KIF9: variants seen among roughly 807,000 people sequenced by gnomAD.
KIF9 encodes kinesin-like protein KIF9.
Under a neutral mutation model 94.8 loss-of-function variants are expected in KIF9, and 68 were observed. That is an observed-to-expected ratio of 0.72 (90% CI 0.59 to 0.88). KIF9 has a LOEUF of 0.88. Ranked by LOEUF, KIF9 falls within the 40% of genes least tolerant of loss-of-function variation. KIF9 has a pLI of 0.00. For missense variants in KIF9, 882 were observed against 982.5 expected (o/e 0.90, Z 1.37); for synonymous variants, 343 against 362.1 (o/e 0.95, Z 0.60).
intron 9 of KIF9, among the ~76,000 whole-genome samples, chr3:47,262,827 A>C (rs986977104): frequency 2.0e-5 from 3 of 152,204 alleles, no homozygotes; most frequent in Non-Finnish European, 4.4e-5. Context: ...AGGTGACTGA[A>C]GCTTGCCTTA....
intron 20 of KIF9, among the ~76,000 whole-genome samples, chr3:47,232,124 G>T (rs976453782): frequency 6.6e-6 from 1 of 152,134 alleles, no homozygotes; most frequent in African/African-American, 2.4e-5. Flanking sequence ...GGGGCCTGAG[G>T]GAGCTCGTTA....
chr3:47,256,623 C>T (rs958853416), intron 10 of KIF9, among the ~76,000 whole-genome samples: 2 of 152,186 alleles, frequency 1.3e-5, no homozygotes, highest in African/African-American at 4.8e-5. Flanking sequence ...TGCCCGGCCA[C>T]CACCCCGTCT....
intron 16 of KIF9, among the ~76,000 whole-genome samples, chr3:47,241,635 ATG>A (rs199803188): frequency 1.1e-3 from 154 of 136,938 alleles, no homozygotes; most frequent in East Asian, 1.5e-3. Flanking sequence ...GATTTCATAT[ATG>A]TGTGTGTGTG....
chr3:47,273,552 C>T lies in KIF9; in HGVS notation c.366G>A (p.Gln122=), dbSNP rs1348153850. 3.3e-5 allele frequency: 53 copies of T among 1,597,834 alleles called. No homozygotes were observed. The highest frequency in any genetic ancestry group is 4.5e-5 in the Non-Finnish European group (53 of 1,171,238). Reference sequence around the variant, plus strand: ...TCCCACCCTTGGGCCCACTCTCTACCTGCTGCAGGGCACGAGGGAGGATCC... The same window carrying T: ...TCCCACCCTTGGGCCCACTCTCTACTTGCTGCAGGGCACGAGGGAGGATCC... ...HRGILPRALQ[Q]VFRMIEERPT... is the part of the protein sequence containing the mutation. The change falls in exon 4 of 21, where the codon CAG becomes CAA. Residue 122 remains glutamine, a splice_region_variant and synonymous_variant. Transcript: ENST00000684063.
In KIF9 at chr3:47,277,351, A is replaced by G. The variant is rs1421738976; in HGVS notation, c.24T>C (p.His8=). The G allele has an allele frequency of 4.5e-5, 73 of 1,613,858 alleles. No homozygotes were observed. The highest frequency in any genetic ancestry group is 5.8e-5 in the Non-Finnish European group (69 of 1,179,890). ...CGGTGGGTTTGACACGGACAAATGC[A>G]TGAACTTTTTTCCTAGTACCCATTC... MGTRKKV[H]AFVRVKPTDD... Residue 8 remains histidine, a synonymous_variant, in exon 2 of 21, where the codon CAT becomes CAC. Transcript: ENST00000684063.
intron 14 of KIF9, 77 bp downstream of exon 14, chr3:47,245,344 A>C: frequency 9.2e-7 from 1 of 1,081,956 alleles, no homozygotes; most frequent in South Asian, 1.3e-5. Context: ...TAATGCATTA[A>C]TACTTGCTGG....
intron 8 of KIF9, 103 bp downstream of exon 8, chr3:47,265,627 C>A: frequency 7.8e-7 from 1 of 1,276,684 alleles, no homozygotes; most frequent in Non-Finnish European, 1.1e-6. Flanking sequence ...ATCCATGCCA[C>A]CAGGAGGGAG....
Position 47,273,662 on chromosome 3 carries a change from C to T in KIF9, c.260-4G>A. On this transcript the variant is annotated splice_region_variant and splice_polypyrimidine_tract_variant and intron_variant, in intron 3 of 20. Transcript: ENST00000684063. ...TGCCCATAACACATGATGGTGCCTG[C>T]AAACATTTCAAAACACGGTGACATC... The T allele has an allele frequency of 2.5e-6, 4 of 1,611,200 alleles. No individual in the cohort carries two copies. Among genetic ancestry groups the T allele is most frequent in the Non-Finnish European group, 3.4e-6 (4 of 1,177,988 alleles).
chr3:47,232,278 G>GT (rs896421983), intron 20 of KIF9, among the ~76,000 whole-genome samples: 17 of 151,890 alleles, frequency 1.1e-4, no homozygotes, highest in South Asian at 2.1e-4. Context: ...CATTTCTGCT[G>GT]TTTTTTTTGT....
At chr3:47,235,147 T>C (rs1415364830) in intron 20 of KIF9, among the ~76,000 whole-genome samples, 5 of 152,220 alleles carry the variant, frequency 3.3e-5, no homozygotes, top group Admixed American at 6.5e-5. Flanking sequence ...GCTAACGCCA[T>C]GTCTAGCTAT....
intron 20 of KIF9, among the ~76,000 whole-genome samples, chr3:47,230,436 TAAAAAG>T (rs1698478895): frequency 1.3e-5 from 2 of 151,646 alleles, no homozygotes. Context: ...TGTTTTTAAT[TAAAAAG>T]AAAAAGAATG....
chr3:47,254,848 A>C (rs771143663), intron 10 of KIF9, among the ~76,000 whole-genome samples: 1 of 152,194 alleles, frequency 6.6e-6, no homozygotes, highest in African/African-American at 2.4e-5. Context: ...AAAGAAAGAA[A>C]AAAAAGGGCA....
intron 18 of KIF9, 104 bp from the exon 19 acceptor site, chr3:47,236,253 C>T: frequency 9.6e-7 from 1 of 1,043,428 alleles, no homozygotes; most frequent in Non-Finnish European, 1.5e-6. Context: ...ACTTCCTGCT[C>T]CAAGGTCTTA....
intron 10 of KIF9, chr3:47,250,421 TG>T (rs879210579): frequency 2.9e-5 from 6 of 209,994 alleles, no homozygotes; most frequent in South Asian, 2.7e-4. Flanking sequence ...TTTGTGTTTC[TG>T]TTCATGCAGT....
chr3:47,242,067 G>A (rs551958392), intron 16 of KIF9, among the ~76,000 whole-genome samples: 10 of 151,424 alleles, frequency 6.6e-5, no homozygotes, highest in African/African-American at 2.4e-4. Flanking sequence ...ATTTTTTATA[G>A]AGACAGAGTC....
intron 5 of KIF9, 116 bp downstream of exon 5, chr3:47,271,121 G>A (rs751095958): frequency 4.5e-5 from 35 of 781,018 alleles, no homozygotes; most frequent in Non-Finnish European, 7.0e-5. Context: ...TCCAGACTTG[G>A]AGAAAAACCA....
In KIF9 at chr3:47,228,636, T is replaced by A; in HGVS notation, c.*16A>T. On this transcript the variant is annotated 3_prime_UTR_variant, in exon 21 of 21. Transcript: ENST00000684063. ...GAGTTGCTGGTCTTGTCCTTTAAGG[T>A]ACTGGCGATGAGGTTCTATTTTCTA... 6.2e-7 allele frequency: 1 copy of A among 1,610,416 alleles called. No individual in the cohort carries two copies. The highest frequency in any genetic ancestry group is 8.5e-7 in the Non-Finnish European group (1 of 1,176,678).
intron 3 of KIF9, among the ~76,000 whole-genome samples, chr3:47,274,241 T>C (rs544550631): frequency 6.6e-6 from 1 of 152,292 alleles, no homozygotes; most frequent in South Asian, 2.1e-4. Flanking sequence ...ACCACCATGA[T>C]CAGGCCCTGA....
intron 19 of KIF9, among the ~76,000 whole-genome samples, 159 bp downstream of exon 19, chr3:47,235,875 C>T (rs987498924): frequency 2.0e-5 from 3 of 152,156 alleles, no homozygotes; most frequent in African/African-American, 4.8e-5. Flanking sequence ...CCTTGATAAC[C>T]GAGGAGAGAC....
Sources: allele counts gnomAD v4.1 joint callset (sites outside exome capture counted in the v4.1 genomes callset), GRCh38; gene constraint gnomAD v4.1.1; transcripts MANE v1.5; gene names NCBI Gene and HGNC (gene_info 2026-07-23, HGNC 2026-07-21).